PRKCZ: variants seen among roughly 807,000 people sequenced by gnomAD.
PRKCZ encodes protein kinase C zeta, also known as protein kinase C zeta type.
A neutral mutation model predicts 79.5 loss-of-function variants in PRKCZ; 33 were observed. The observed-to-expected ratio is 0.41, with a 90% confidence interval of 0.31 to 0.55. The LOEUF (loss-of-function observed/expected upper bound fraction) is 0.55, where lower values mean the gene tolerates loss of function less well. Among genes scored for constraint, PRKCZ ranks in the 20% least tolerant of loss-of-function variants. The pLI is 0.19. For missense variants in PRKCZ, 578 were observed against 813.5 expected (o/e 0.71, Z 3.52); for synonymous variants, 342 against 320.9 (o/e 1.07, Z -0.70).
At chr1:2,083,765 C>T (rs1183729591) in intron 4 of PRKCZ, among the ~76,000 whole-genome samples, 1 of 152,062 alleles carries the variant, frequency 6.6e-6, no homozygotes, top group Non-Finnish European at 1.5e-5. Flanking sequence ...CTCTGGTAAA[C>T]GTGGGTATTC....
At chr1:2,102,611 T>C (rs60837153) in intron 4 of PRKCZ, among the ~76,000 whole-genome samples, 6,555 of 152,246 alleles carry the variant, frequency 0.043, 374 homozygotes, top group African/African-American at 0.13. Context: ...GGATTACAGG[T>C]GTGAGCCACC....
intron 4 of PRKCZ, among the ~76,000 whole-genome samples, chr1:2,099,607 G>C (rs1667116228): frequency 6.6e-6 from 1 of 152,226 alleles, no homozygotes; most frequent in African/African-American, 2.4e-5. Flanking sequence ...CCTGTGGGCA[G>C]CCGGGGGCAC....
chr1:2,144,487 T>C, intron 6 of PRKCZ, 146 bp downstream of exon 6: 1 of 1,450,834 alleles, frequency 6.9e-7, no homozygotes, highest in Non-Finnish European at 9.1e-7. Context: ...AGCGTGAGAC[T>C]CAGGCGGCAG....
intron 1 of PRKCZ, 121 bp downstream of exon 1, chr1:2,050,822 C>A (rs1390423960): frequency 1.6e-6 from 1 of 620,780 alleles, no homozygotes; most frequent in South Asian, 8.0e-5. Context: ...GCTGCGGGCC[C>A]GGGGCTGTCG....
At chr1:2,181,829 C>G (rs78769807) in intron 16 of PRKCZ, 1 of 456,028 alleles carries the variant, frequency 2.2e-6, no homozygotes, top group African/African-American at 2.0e-5. Flanking sequence ...ATTTTATCGG[C>G]AGGTGTTTCA....
At chr1:2,148,766 C>A (rs951749755) in intron 7 of PRKCZ, 106 bp from the exon 8 acceptor site, 2 of 1,130,016 alleles carry the variant, frequency 1.8e-6, no homozygotes, top group South Asian at 2.6e-5. Context: ...TGTGGATTCA[C>A]CCTTCACCGT....
intron 10 of PRKCZ, among the ~76,000 whole-genome samples, chr1:2,161,775 C>T (rs1421483829): frequency 6.6e-6 from 1 of 152,112 alleles, no homozygotes; most frequent in South Asian, 2.1e-4. Context: ...CAGACCCGAA[C>T]GTCCCATGCC....
Position 2,102,583 on chromosome 1 carries a change from T to C in PRKCZ, c.335-32679T>C, listed in dbSNP as rs184609722. ...TCCTGACCTCGTGATCCGCCCGCCT[T>C]GGCCTCCCAAAGTGCTAGGATTACA... On this transcript the variant is annotated intron_variant, in intron 4 of 17. Coordinates refer to ENST00000378567, the MANE Select transcript of PRKCZ (RefSeq NM_002744.6). Among the ~76,000 whole-genome samples the C allele has an allele frequency of 7.6e-3, 1,150 of 152,244 alleles. 11 individuals carry two copies. Among genetic ancestry groups the C allele is most frequent in the African/African-American group, 0.013 (538 of 41,558 alleles).
chr1:2,082,235 T>C lies in PRKCZ; in HGVS notation c.334+22644T>C, dbSNP rs538401633. ...CCTGTTGTGTGCGCCTTTTCCCTGC[T>C]CCAGGGCTGTGTATTTGGCAAGAGG... On this transcript the variant is annotated intron_variant, in intron 4 of 17. Transcript: ENST00000378567. The surrounding 1 kb of genome is among the most constrained non-coding windows in gnomAD (Gnocchi z 4.4). The C allele has an allele frequency of 2.6e-5, 10 of 389,444 alleles. 1 individual carries two copies. The highest frequency in any genetic ancestry group is 1.9e-4 in the African/African-American group (9 of 47,980). The allele number at this position is 389,444 out of a possible 1,614,324, so 24.1% of individuals were successfully genotyped here.
intron 4 of PRKCZ, among the ~76,000 whole-genome samples, chr1:2,102,074 G>C (rs1667530228): frequency 1.3e-5 from 2 of 152,040 alleles, no homozygotes; most frequent in African/African-American, 4.8e-5. Flanking sequence ...CCTTTCCCCG[G>C]TCACCGCTCC....
At chr1:2,121,710 GTAGTTAGGGTCACGGCGGTAC>G (rs1161622804) in intron 4 of PRKCZ, among the ~76,000 whole-genome samples, 2 of 134,024 alleles carry the variant, frequency 1.5e-5, no homozygotes, top group African/African-American at 6.0e-5. Context: ...GGTCACGGTG[GTAGTTAGGGTCACGGCGGTAC>G]TTAGGGTCAC....
chr1:2,067,370 C>G (rs543745081), intron 4 of PRKCZ, among the ~76,000 whole-genome samples: 2 of 152,138 alleles, frequency 1.3e-5, no homozygotes, highest in African/African-American at 4.8e-5. Flanking sequence ...TTCTGTGATG[C>G]GATTCACCCT....
upstream of PRKCZ, chr1:2,050,395 CA>C (rs1659527018): frequency 5.7e-6 from 1 of 176,856 alleles, no homozygotes; most frequent in African/African-American, 2.4e-5. Context: ...CCGCTGGCTC[CA>C]CCTCGGTCCG....
chr1:2,048,547 G>A (rs1659415163), upstream of PRKCZ, among the ~76,000 whole-genome samples: 1 of 152,002 alleles, frequency 6.6e-6, no homozygotes, highest in Admixed American at 6.5e-5. Context: ...AGGCCTCGAG[G>A]CCGGGGCAGA....
At position 2,173,905 on chromosome 1, in the gene PRKCZ, G is replaced by A; in HGVS notation, c.1294G>A (p.Val432Met). The A allele has an allele frequency of 6.2e-7, 1 of 1,610,400 alleles. No individual in the cohort carries two copies. Among genetic ancestry groups the A allele is most frequent in the Non-Finnish European group, 8.5e-7 (1 of 1,177,998 alleles). ...TGTGTGCTCTCCCCCAGGGTTCAGC[G>A]TGGACTGGTGGGCGCTGGGAGTCCT... ...ILRGEEYGFS[V>M]DWWALGVLMF... The change falls in exon 14 of 18, where the codon GTG (valine) becomes ATG (methionine). Residue 432 changes from valine to methionine, a missense_variant. By Grantham distance (21) the Val-to-Met change is conservative. Around this residue, in one of 4 missense-constraint regions of PRKCZ, gnomAD observed 243 missense variants for 467.0 expected, o/e 0.52. Transcript: ENST00000378567. This position sits in a 1 kb window ranked among gnomAD's most constrained non-coding sequence, Gnocchi z 5.7.
chr1:2,114,864 T>C (rs1273379538), intron 4 of PRKCZ, among the ~76,000 whole-genome samples: 1 of 152,272 alleles, frequency 6.6e-6, no homozygotes. Flanking sequence ...GAAAGAATGT[T>C]ACGGCCTGGG....
intron 4 of PRKCZ, among the ~76,000 whole-genome samples, chr1:2,105,234 T>C (rs1370696498): frequency 3.3e-5 from 5 of 152,096 alleles, no homozygotes; most frequent in African/African-American, 9.7e-5. Context: ...GCCCAGCAGG[T>C]GACCCCAGCA....
intron 4 of PRKCZ, among the ~76,000 whole-genome samples, chr1:2,132,044 C>G (rs955050446): frequency 6.6e-6 from 1 of 152,216 alleles, no homozygotes. Context: ...ATCTCCTGAC[C>G]TTGTGATCTG....
intron 16 of PRKCZ, 48 bp downstream of exon 16, chr1:2,175,361 C>A (rs1479509058): frequency 6.7e-7 from 1 of 1,482,190 alleles, no homozygotes; most frequent in Non-Finnish European, 9.3e-7. Flanking sequence ...ATCCCAACCC[C>A]AAATCTACCC....
Sources: gnomAD v4.1 joint callset for allele counts (sites outside exome capture counted in the v4.1 genomes callset) on GRCh38, gnomAD v4.1.1 for gene constraint, gnomAD v4.1.1 regional missense constraint, Gnocchi (gnomAD v3.1) non-coding constraint, MANE v1.5 for transcripts, NCBI Gene and HGNC (gene_info 2026-07-23, HGNC 2026-07-21) for gene names.